Variants in PGCKA1 observed in about 807,000 individuals in gnomAD.
The protein encoded by PGCKA1 is PDCD10 and GCKIII kinases-associated protein 1.
chr4:37,517,760 C>G, the PGCKA1 span, among the ~76,000 whole-genome samples: 1 of 152,148 alleles, frequency 6.6e-6, no homozygotes, highest in Non-Finnish European at 1.5e-5. Flanking sequence ...TACAAACAAT[C>G]CAATTACATT....
the PGCKA1 span, among the ~76,000 whole-genome samples, chr4:37,473,803 A>G: frequency 6.6e-6 from 1 of 152,098 alleles, no homozygotes; most frequent in Non-Finnish European, 1.5e-5. Flanking sequence ...TAGCTCAAAC[A>G]TACATGATAC....
the PGCKA1 span, among the ~76,000 whole-genome samples, chr4:37,528,469 G>A: frequency 5.9e-5 from 9 of 152,232 alleles, no homozygotes; most frequent in African/African-American, 2.2e-4. Flanking sequence ...GACACTGTTG[G>A]GATTTTAGCC....
chr4:37,560,381 G>A, the PGCKA1 span, among the ~76,000 whole-genome samples: 3 of 141,488 alleles, frequency 2.1e-5, no homozygotes, highest in Non-Finnish European at 4.4e-5. Context: ...CCCAAGCCCT[G>A]TTGCCTTATA....
the PGCKA1 span, among the ~76,000 whole-genome samples, chr4:37,558,317 G>A: frequency 0.011 from 1,603 of 152,180 alleles, 106 homozygotes; most frequent in Admixed American, 0.094. Flanking sequence ...ATAATGCATG[G>A]TTCAACCAAG....
chr4:37,509,809 G>A, the PGCKA1 span, among the ~76,000 whole-genome samples: 3 of 151,698 alleles, frequency 2.0e-5, no homozygotes, highest in Non-Finnish European at 2.9e-5. Flanking sequence ...AAAAAAATAC[G>A]AAAACCAGTC....
At chr4:37,538,431 G>T in the PGCKA1 span, among the ~76,000 whole-genome samples, 1 of 152,220 alleles carries the variant, frequency 6.6e-6, no homozygotes, top group African/African-American at 2.4e-5. Context: ...TTCACAGAAT[G>T]ACTGTCAGTC....
the PGCKA1 span, among the ~76,000 whole-genome samples, chr4:37,464,618 C>T: frequency 2.6e-5 from 4 of 152,326 alleles, no homozygotes; most frequent in East Asian, 7.7e-4. Context: ...AAACTACACA[C>T]ACCTTCTCCT....
the PGCKA1 span, among the ~76,000 whole-genome samples, chr4:37,517,011 C>T: frequency 5.3e-5 from 8 of 152,160 alleles, no homozygotes; most frequent in South Asian, 1.7e-3. Context: ...AATCCCTGCA[C>T]TTTGGGAGGC....
chr4:37,543,788 A>G, the PGCKA1 span, among the ~76,000 whole-genome samples: 5 of 151,136 alleles, frequency 3.3e-5, no homozygotes, highest in Non-Finnish European at 7.4e-5. Flanking sequence ...GAGCCGAGAT[A>G]GCGCCACTGC....
chr4:37,567,338 A>G, the PGCKA1 span, among the ~76,000 whole-genome samples: 1 of 152,252 alleles, frequency 6.6e-6, no homozygotes, highest in Admixed American at 6.5e-5. Flanking sequence ...CTCAGTGGCT[A>G]ACTGCTTATT....
At chr4:37,479,731 T>C in the PGCKA1 span, among the ~76,000 whole-genome samples, 1 of 152,144 alleles carries the variant, frequency 6.6e-6, no homozygotes, top group African/African-American at 2.4e-5. Flanking sequence ...TAGTTCAAGA[T>C]GAGAGCTTGA....
At chr4:37,496,823 A>G in the PGCKA1 span, among the ~76,000 whole-genome samples, 7 of 152,282 alleles carry the variant, frequency 4.6e-5, no homozygotes, top group Admixed American at 2.6e-4. Context: ...CTCCCTGATC[A>G]TCTGTATTCC....
the PGCKA1 span, among the ~76,000 whole-genome samples, chr4:37,533,518 G>A: frequency 1.3e-5 from 2 of 152,070 alleles, no homozygotes; most frequent in African/African-American, 4.8e-5. Flanking sequence ...GCAGAAGGTG[G>A]GGCTGCTCTG....
chr4:37,517,939 C>A, the PGCKA1 span, among the ~76,000 whole-genome samples: 1 of 152,172 alleles, frequency 6.6e-6, no homozygotes, highest in East Asian at 1.9e-4. Context: ...CCCCTGATAA[C>A]CATCCTTCTA....
the PGCKA1 span, among the ~76,000 whole-genome samples, chr4:37,592,353 G>GGAAA: frequency 2.8e-5 from 3 of 108,196 alleles, no homozygotes; most frequent in Non-Finnish European, 2.0e-5. Context: ...CCATCTCTAT[G>GGAAA]AAAAAAAAAA....
the PGCKA1 span, among the ~76,000 whole-genome samples, chr4:37,525,391 C>CT: frequency 1.3e-5 from 2 of 152,098 alleles, no homozygotes; most frequent in African/African-American, 4.8e-5. Flanking sequence ...ATAACAGTAG[C>CT]TACAGGGAAG....
chr4:37,548,250 A>G, the PGCKA1 span, among the ~76,000 whole-genome samples: 4 of 152,188 alleles, frequency 2.6e-5, no homozygotes, highest in South Asian at 4.1e-4. Flanking sequence ...ACTACTGAAG[A>G]AACAGTTTAT....
the PGCKA1 span, among the ~76,000 whole-genome samples, chr4:37,583,586 A>G: frequency 3.6e-4 from 55 of 151,314 alleles, no homozygotes; most frequent in African/African-American, 1.1e-3. Flanking sequence ...ACAGGCGCCC[A>G]CCACCACGCC....
the PGCKA1 span, among the ~76,000 whole-genome samples, chr4:37,478,392 ATG>A: frequency 2.0e-5 from 3 of 152,082 alleles, no homozygotes; most frequent in Non-Finnish European, 4.4e-5. Flanking sequence ...AAGGCTCTTA[ATG>A]TAGGTCTGAC....
Sources: allele counts gnomAD v4.1 joint callset (sites outside exome capture counted in the v4.1 genomes callset), GRCh38; gene constraint gnomAD v4.1.1; transcripts MANE v1.5; gene names NCBI Gene and HGNC (gene_info 2026-07-23, HGNC 2026-07-21).